ZC2HC1A: variants seen among roughly 807,000 people sequenced by gnomAD.
ZC2HC1A encodes zinc finger C2HC domain-containing protein 1A.
In ZC2HC1A, 28 loss-of-function variants were observed where a neutral mutation model predicts 40.7. The observed-to-expected ratio is 0.69, with a 90% CI of 0.51 to 0.94. The LOEUF (loss-of-function observed/expected upper bound fraction) is 0.94. Ranked by LOEUF, ZC2HC1A falls within the 40% of genes least tolerant of loss-of-function variation. ZC2HC1A has a pLI of 0.00. For synonymous variants in ZC2HC1A, 129 were observed against 129.2 expected (o/e 1.00, Z 0.01); for missense variants, 389 against 386.3 (o/e 1.01, Z -0.06).
At chr8:78,710,714 G>A (rs1321822659) in intron 7 of ZC2HC1A, among the ~76,000 whole-genome samples, 1 of 151,304 alleles carries the variant, frequency 6.6e-6, no homozygotes, top group Non-Finnish European at 1.5e-5. Flanking sequence ...CCAATAGATG[G>A]GTTTCTTTGT....
intron 7 of ZC2HC1A, among the ~76,000 whole-genome samples, chr8:78,710,398 T>C (rs879813365): frequency 2.0e-5 from 3 of 152,244 alleles, no homozygotes; most frequent in Admixed American, 1.3e-4. Flanking sequence ...CTGAAAATAT[T>C]GGCAATCTTT....
At chr8:78,684,149 G>A (rs1229471933) in intron 3 of ZC2HC1A, among the ~76,000 whole-genome samples, 2 of 152,132 alleles carry the variant, frequency 1.3e-5, no homozygotes, top group African/African-American at 2.4e-5. Context: ...ACATTTTGGG[G>A]TATCTTAATA....
intron 1 of ZC2HC1A, among the ~76,000 whole-genome samples, chr8:78,667,983 T>G (rs551735961): frequency 8.6e-5 from 13 of 151,940 alleles, no homozygotes; most frequent in African/African-American, 3.1e-4. Flanking sequence ...CAAAATAAGA[T>G]GCTATCATTA....
intron 7 of ZC2HC1A, among the ~76,000 whole-genome samples, chr8:78,707,138 C>G (rs1039800625): frequency 2.0e-5 from 3 of 152,134 alleles, no homozygotes; most frequent in Admixed American, 6.5e-5. Context: ...AGTCATTTTA[C>G]CATATCACAG....
intron 7 of ZC2HC1A, among the ~76,000 whole-genome samples, chr8:78,702,668 C>T (rs1313594762): frequency 2.0e-5 from 3 of 152,116 alleles, no homozygotes; most frequent in African/African-American, 2.4e-5. Context: ...TTTCTTTGTA[C>T]TCTAAGTTTC....
intron 1 of ZC2HC1A, among the ~76,000 whole-genome samples, chr8:78,667,377 A>C (rs1383695763): frequency 1.3e-5 from 2 of 152,108 alleles, no homozygotes; most frequent in Non-Finnish European, 2.9e-5. Flanking sequence ...GAAATAAGGA[A>C]TTGTAATGAT....
intron 5 of ZC2HC1A, among the ~76,000 whole-genome samples, chr8:78,692,960 C>G (rs940502945): frequency 6.6e-6 from 1 of 152,036 alleles, no homozygotes; most frequent in Non-Finnish European, 1.5e-5. Flanking sequence ...CAATTCCCAC[C>G]TATGAGTGAG....
chr8:78,677,377 G>A (rs968301453), intron 2 of ZC2HC1A, among the ~76,000 whole-genome samples: 4 of 151,844 alleles, frequency 2.6e-5, no homozygotes, highest in African/African-American at 7.3e-5. Flanking sequence ...CTGAATAGTA[G>A]TAGAACACTA....
At chr8:78,711,305 A>G (rs1019838520) in intron 7 of ZC2HC1A, among the ~76,000 whole-genome samples, 22 of 152,248 alleles carry the variant, frequency 1.4e-4, no homozygotes, top group African/African-American at 5.3e-4. Context: ...ACAGTGAAAT[A>G]TCCTACAAAC....
intron 3 of ZC2HC1A, among the ~76,000 whole-genome samples, chr8:78,680,048 T>A (rs1360150218): frequency 6.6e-6 from 1 of 152,060 alleles, no homozygotes; most frequent in East Asian, 1.9e-4. Flanking sequence ...CGTATTATTC[T>A]GGGCAAGTTA....
In ZC2HC1A at chr8:78,695,648, T is replaced by TTC. The variant is rs980221497; in HGVS notation, c.505-1751_505-1750dup. Among the ~76,000 whole-genome samples the TTC allele has an allele frequency of 8.5e-5, 13 of 152,172 alleles. No individual in the cohort carries two copies. In the East Asian group the frequency reaches 2.1e-3, roughly 25 times the overall value. On this transcript the variant is annotated intron_variant, in intron 5 of 8. Coordinates refer to ENST00000263849, the MANE Select transcript of ZC2HC1A (RefSeq NM_016010.3). ...TTTAAGTCTTTTCTAATGTCTGTCT[T>TTC]TCTCTCTCTATATATATATAGTGGC...
chr8:78,707,980 G>C (rs1487484769), intron 7 of ZC2HC1A, among the ~76,000 whole-genome samples: 1 of 151,548 alleles, frequency 6.6e-6, no homozygotes, highest in Non-Finnish European at 1.5e-5. Flanking sequence ...AGAATGCCTA[G>C]GCTAACAAAA....
At chr8:78,693,379 C>A (rs1810282377) in intron 5 of ZC2HC1A, among the ~76,000 whole-genome samples, 1 of 152,120 alleles carries the variant, frequency 6.6e-6, no homozygotes, top group African/African-American at 2.4e-5. Context: ...TTCTCCACAT[C>A]CTCTCCAGCA....
chr8:78,698,669 G>A (rs1021188355), intron 7 of ZC2HC1A, among the ~76,000 whole-genome samples, 156 bp downstream of exon 7: 2 of 152,104 alleles, frequency 1.3e-5, no homozygotes, highest in African/African-American at 4.8e-5. Flanking sequence ...CTGCTGTTGA[G>A]TATCTAAATT....
At chr8:78,686,255 G>A (rs551814977) in intron 3 of ZC2HC1A, among the ~76,000 whole-genome samples, 16 of 152,188 alleles carry the variant, frequency 1.1e-4, no homozygotes, top group African/African-American at 2.6e-4. Flanking sequence ...AGTGTCTTTC[G>A]CGATGACACT....
At chr8:78,683,237 G>T (rs1422784963) in intron 3 of ZC2HC1A, among the ~76,000 whole-genome samples, 1 of 152,226 alleles carries the variant, frequency 6.6e-6, no homozygotes, top group Non-Finnish European at 1.5e-5. Flanking sequence ...TGGGGCCTCT[G>T]TGTGTGGACT....
chr8:78,716,296 TG>T (rs1460571475), intron 8 of ZC2HC1A, among the ~76,000 whole-genome samples: 3 of 151,508 alleles, frequency 2.0e-5, no homozygotes, highest in African/African-American at 7.3e-5. Context: ...CTAATTTTTT[TG>T]TATTTTTATT....
At chr8:78,682,296 T>C (rs1393095928) in intron 3 of ZC2HC1A, among the ~76,000 whole-genome samples, 1 of 151,244 alleles carries the variant, frequency 6.6e-6, no homozygotes, top group Non-Finnish European at 1.5e-5. Context: ...ATTGGATGCA[T>C]AGATGTATTA....
At chr8:78,685,360 G>A (rs945074651) in intron 3 of ZC2HC1A, among the ~76,000 whole-genome samples, 4 of 152,194 alleles carry the variant, frequency 2.6e-5, no homozygotes, top group Admixed American at 6.5e-5. Context: ...ACTGGAAGTT[G>A]TAGAAGGAAG....
Sources: allele counts gnomAD v4.1 joint callset (sites outside exome capture counted in the v4.1 genomes callset), GRCh38; gene constraint gnomAD v4.1.1; transcripts MANE v1.5; gene names NCBI Gene and HGNC (gene_info 2026-07-23, HGNC 2026-07-21).